Variants in UNC13C observed in about 807,000 individuals in gnomAD.
UNC13C encodes the protein unc-13 homolog C.
In UNC13C, 174 loss-of-function variants were observed where a neutral mutation model predicts 245.4. The observed-to-expected ratio is 0.71, with a 90% CI of 0.63 to 0.80. UNC13C has a LOEUF of 0.80. Ranked by LOEUF, UNC13C falls within the 30% of genes least tolerant of loss-of-function variation. The probability of loss-of-function intolerance (pLI) is 0.00; values close to 1 mark genes in which losing one functional copy is unlikely to be tolerated. For missense variants in UNC13C, 2,829 were observed against 2,602.9 expected (o/e 1.09, Z -1.89); for synonymous variants, 992 against 895.1 (o/e 1.11, Z -1.93).
chr15:54,484,645 C>G (rs1313729314), intron 19 of UNC13C, among the ~76,000 whole-genome samples: 1 of 152,120 alleles, frequency 6.6e-6, no homozygotes, highest in Non-Finnish European at 1.5e-5. Context: ...CATGACCTAT[C>G]ACTTGGGCCC....
chr15:54,035,097 A>G (rs1354525023), intron 2 of UNC13C, among the ~76,000 whole-genome samples: 1 of 152,166 alleles, frequency 6.6e-6, no homozygotes, highest in East Asian at 1.9e-4. Flanking sequence ...GACTCTTCAG[A>G]TATACATTTA....
chr15:54,200,776 C>A (rs796430088), intron 4 of UNC13C, among the ~76,000 whole-genome samples: 1 of 151,874 alleles, frequency 6.6e-6, no homozygotes, highest in East Asian at 1.9e-4. Context: ...GAAACAAGAG[C>A]AATCCAAACC....
intron 17 of UNC13C, among the ~76,000 whole-genome samples, chr15:54,347,769 TAC>T (rs1295876566): frequency 2.0e-5 from 3 of 152,170 alleles, no homozygotes; most frequent in African/African-American, 7.2e-5. Context: ...TTTGGATACA[TAC>T]ACACACACAT....
At chr15:54,415,797 G>A (rs1214716612) in intron 19 of UNC13C, among the ~76,000 whole-genome samples, 3 of 152,144 alleles carry the variant, frequency 2.0e-5, no homozygotes, top group Admixed American at 1.3e-4. Flanking sequence ...TTGCAGAGGA[G>A]GACTACAAGA....
chr15:53,882,079 T>G, the UNC13C span, among the ~76,000 whole-genome samples: 1 of 152,228 alleles, frequency 6.6e-6, no homozygotes, highest in Non-Finnish European at 1.5e-5. Context: ...AAAATGCTTA[T>G]AAAATTATTT....
At chr15:54,363,607 C>T (rs946230429) in intron 17 of UNC13C, among the ~76,000 whole-genome samples, 30 of 152,036 alleles carry the variant, frequency 2.0e-4, no homozygotes, top group African/African-American at 2.7e-4. Flanking sequence ...AATTTTAAGC[C>T]GCAGCATGGC....
At chr15:54,537,874 C>T (rs1042558140) in intron 26 of UNC13C, among the ~76,000 whole-genome samples, 1 of 151,820 alleles carries the variant, frequency 6.6e-6, no homozygotes, top group African/African-American at 2.4e-5. Context: ...AAACCTAAAA[C>T]TATAAAACCC....
Position 54,015,344 on chromosome 15 carries a change from A to G in UNC13C, c.2441A>G (p.Lys814Arg), listed in dbSNP as rs750552915. The change falls in exon 2 of 33, where the codon AAA (lysine) becomes AGA (arginine). Residue 814 changes from lysine (K) to arginine (R), a missense_variant. Physicochemically the swap from Lys to Arg is conservative, Grantham distance 26. Transcript: ENST00000260323. ...TCAGCCTTGGAAGTAGTATGGAACA[A>G]AAGCACACAGAGTCTGAGTGGGTAT... ...AKSALEVVWN[K>R]STQSLSGYED... is the part of the protein sequence containing the mutation. The G allele has an allele frequency of 1.6e-5, 26 of 1,613,762 alleles. No homozygotes were observed. Among genetic ancestry groups the G allele is most frequent in the Non-Finnish European group, 2.1e-5 (25 of 1,179,862 alleles).
At chr15:54,190,753 T>A (rs1387290719) in intron 4 of UNC13C, among the ~76,000 whole-genome samples, 1 of 152,094 alleles carries the variant, frequency 6.6e-6, no homozygotes, top group Non-Finnish European at 1.5e-5. Context: ...TATTTATATA[T>A]AATAGATAAA....
intron 30 of UNC13C, among the ~76,000 whole-genome samples, chr15:54,576,291 C>T (rs112675716): frequency 1.2e-4 from 18 of 152,288 alleles, no homozygotes; most frequent in African/African-American, 3.9e-4. Context: ...CGTTTTCATC[C>T]GAAAGAAATC....
intron 24 of UNC13C, among the ~76,000 whole-genome samples, chr15:54,515,237 T>C (rs1039595631): frequency 3.3e-5 from 5 of 152,208 alleles, no homozygotes; most frequent in African/African-American, 1.2e-4. Flanking sequence ...ACCCGTGTTA[T>C]AGATGTACTA....
At chr15:54,094,740 T>A (rs935200384) in intron 2 of UNC13C, among the ~76,000 whole-genome samples, 3 of 152,122 alleles carry the variant, frequency 2.0e-5, no homozygotes, top group African/African-American at 7.2e-5. Context: ...CTATTAAAGT[T>A]TTGTTACAAT....
At chr15:54,475,150 T>A (rs996174729) in intron 19 of UNC13C, among the ~76,000 whole-genome samples, 13 of 151,938 alleles carry the variant, frequency 8.6e-5, no homozygotes, top group African/African-American at 3.1e-4. Context: ...GCTTTTGAGG[T>A]CTTAGCCATA....
chr15:54,226,122 A>G (rs1223335505), intron 4 of UNC13C, among the ~76,000 whole-genome samples: 1 of 152,144 alleles, frequency 6.6e-6, no homozygotes, highest in Non-Finnish European at 1.5e-5. Context: ...TGATTTGTGT[A>G]TGTTAAACCA....
intron 2 of UNC13C, among the ~76,000 whole-genome samples, chr15:54,059,119 C>T (rs1037500086): frequency 2.6e-5 from 4 of 152,104 alleles, no homozygotes; most frequent in African/African-American, 7.2e-5. Flanking sequence ...CCAGGGCAAT[C>T]AGGCAGGAGA....
intron 17 of UNC13C, among the ~76,000 whole-genome samples, chr15:54,357,739 C>G (rs911083068): frequency 7.9e-5 from 12 of 152,010 alleles, no homozygotes; most frequent in Admixed American, 7.2e-4. Context: ...AAACACATTC[C>G]TTCAACCTTT....
chr15:53,952,920 C>A, the UNC13C span, among the ~76,000 whole-genome samples: 1 of 151,630 alleles, frequency 6.6e-6, no homozygotes, highest in East Asian at 1.9e-4. Context: ...TTTTTTTTCC[C>A]CTGAGCGGTT....
intron 2 of UNC13C, among the ~76,000 whole-genome samples, chr15:54,137,006 T>A (rs2031771480): frequency 6.6e-6 from 1 of 152,016 alleles, no homozygotes; most frequent in African/African-American, 2.4e-5. Context: ...TTGGCTAATT[T>A]TTGTATTTTT....
intron 4 of UNC13C, among the ~76,000 whole-genome samples, chr15:54,148,574 C>G (rs1253738945): frequency 1.3e-5 from 2 of 152,178 alleles, no homozygotes; most frequent in Non-Finnish European, 2.9e-5. Context: ...GGCCTAAAAT[C>G]TTCCACTTAG....
Sources: gnomAD v4.1 joint callset for allele counts (sites outside exome capture counted in the v4.1 genomes callset) on GRCh38, gnomAD v4.1.1 for gene constraint, MANE v1.5 for transcripts, NCBI Gene and HGNC (gene_info 2026-07-23, HGNC 2026-07-21) for gene names.